The following NRG1 variants were observed in gnomAD, a reference collection of about 807,000 sequenced individuals.
NRG1 encodes the protein neuregulin 1, also known as pro-neuregulin-1, membrane-bound isoform.
In NRG1, 18 loss-of-function variants were observed where a neutral mutation model predicts 63.8. The ratio of observed to expected loss-of-function variants is 0.28; its 90% CI spans 0.19 to 0.42. The LOEUF (loss-of-function observed/expected upper bound fraction) is 0.42. NRG1 is among the 10% of genes least tolerant of loss of function. The probability of loss-of-function intolerance (pLI) is 1.00; values close to 1 mark genes in which losing one functional copy is unlikely to be tolerated. For synonymous variants in NRG1, 302 were observed against 301.3 expected, an observed-to-expected ratio of 1.00 and a Z score of -0.02; for missense variants, 762 against 814.7, an observed-to-expected ratio of 0.94 and a Z score of 0.79.
chr8:32,242,485 A>G (rs1848203389), intron 1 of NRG1, among the ~76,000 whole-genome samples: 1 of 152,234 alleles, frequency 6.6e-6, no homozygotes. Context: ...AAAAGAAAAA[A>G]GAAAAAGAAA....
chr8:31,850,013 A>G (rs966186861), intron 1 of NRG1, among the ~76,000 whole-genome samples: 1 of 152,190 alleles, frequency 6.6e-6, no homozygotes, highest in African/African-American at 2.4e-5. Flanking sequence ...TGCTTTCCCC[A>G]TATGACTTTG....
intron 1 of NRG1, among the ~76,000 whole-genome samples, chr8:32,384,158 G>A (rs911528637): frequency 6.6e-6 from 1 of 152,088 alleles, no homozygotes; most frequent in East Asian, 1.9e-4. Flanking sequence ...GATAGCTTGA[G>A]GGGAGGAGTT....
At chr8:32,722,038 T>C in intron 5 of NRG1, 4 of 1,547,580 alleles carry the variant, frequency 2.6e-6, no homozygotes, top group Non-Finnish European at 3.5e-6. Flanking sequence ...TTGAAGATAT[T>C]ACAGGTAAGG....
intron 1 of NRG1, among the ~76,000 whole-genome samples, chr8:32,108,192 T>C (rs569764667): frequency 2.2e-4 from 34 of 152,244 alleles, no homozygotes; most frequent in Non-Finnish European, 4.7e-4. Context: ...TGTAACATGA[T>C]TAAGGGCAAT....
At chr8:32,324,477 G>A (rs1021820568) in intron 1 of NRG1, among the ~76,000 whole-genome samples, 2 of 152,180 alleles carry the variant, frequency 1.3e-5, no homozygotes, top group Non-Finnish European at 2.9e-5. Flanking sequence ...TGGGATGTAG[G>A]TGTGTAGCAA....
At chr8:31,753,034 C>T (rs1020023716) in intron 1 of NRG1, among the ~76,000 whole-genome samples, 4 of 151,992 alleles carry the variant, frequency 2.6e-5, no homozygotes, top group African/African-American at 9.7e-5. Context: ...ATCTCAATCT[C>T]TTCCTCTCTG....
chr8:31,934,420 C>CTCTTTTTT (rs780496777), intron 1 of NRG1, among the ~76,000 whole-genome samples: 2 of 108,062 alleles, frequency 1.9e-5, no homozygotes, highest in Non-Finnish European at 3.6e-5. Flanking sequence ...TATTCGCTCT[C>CTCTTTTTT]TTTTTTTTTT....
chr8:32,732,799 C>CTTTTTTTTTTTT (rs1173388613), intron 6 of NRG1, among the ~76,000 whole-genome samples: 19 of 83,336 alleles, frequency 2.3e-4, no homozygotes, highest in South Asian at 5.3e-4. Context: ...TGTTTAATTT[C>CTTTTTTTTTTTT]TTTTTTTTTT....
At chr8:32,442,152 G>A (rs1191977640) in intron 1 of NRG1, among the ~76,000 whole-genome samples, 1 of 152,160 alleles carries the variant, frequency 6.6e-6, no homozygotes, top group Non-Finnish European at 1.5e-5. Context: ...ACTATCATCT[G>A]GGAGAACACA....
intron 1 of NRG1, among the ~76,000 whole-genome samples, chr8:32,390,812 G>A (rs1036241178): frequency 6.6e-6 from 1 of 151,866 alleles, no homozygotes; most frequent in South Asian, 2.1e-4. Context: ...CCCATTCGTA[G>A]TACCAGCGTT....
At chr8:32,190,303 A>G (rs1842366441) in intron 1 of NRG1, among the ~76,000 whole-genome samples, 1 of 152,060 alleles carries the variant, frequency 6.6e-6, no homozygotes, top group South Asian at 2.1e-4. Context: ...ACTGCCCAAC[A>G]GACTTCAAGA....
chr8:32,203,911 G>GA (rs892831897), intron 1 of NRG1, among the ~76,000 whole-genome samples: 6 of 152,038 alleles, frequency 3.9e-5, no homozygotes, highest in Admixed American at 2.6e-4. Flanking sequence ...GTACCACAGA[G>GA]AAAAATTCAA....
chr8:32,103,537 T>G (rs570554120), intron 1 of NRG1, among the ~76,000 whole-genome samples: 2 of 152,304 alleles, frequency 1.3e-5, no homozygotes, highest in South Asian at 2.1e-4. Context: ...TCCTTTCTTT[T>G]GGGAATATAC....
At chr8:31,863,348 A>C (rs749190120) in intron 1 of NRG1, among the ~76,000 whole-genome samples, 9 of 152,226 alleles carry the variant, frequency 5.9e-5, no homozygotes, top group Non-Finnish European at 8.8e-5. Context: ...TGAAAGTAGC[A>C]GTAAGTTTTA....
intron 1 of NRG1, among the ~76,000 whole-genome samples, chr8:31,907,186 C>A (rs953472869): frequency 6.6e-6 from 1 of 151,324 alleles, no homozygotes; most frequent in African/African-American, 2.4e-5. Flanking sequence ...CATCCTCCAA[C>A]GTAAATGACA....
intron 1 of NRG1, among the ~76,000 whole-genome samples, chr8:32,336,079 A>G (rs964031961): frequency 6.6e-6 from 1 of 152,208 alleles, no homozygotes; most frequent in African/African-American, 2.4e-5. Flanking sequence ...AGTGGCACCC[A>G]TGGCTTGTCC....
chr8:32,695,088 G>T (rs1405912876), intron 5 of NRG1, among the ~76,000 whole-genome samples: 2 of 152,152 alleles, frequency 1.3e-5, no homozygotes, highest in African/African-American at 4.8e-5. Flanking sequence ...GGGCATGGTG[G>T]CTCATGCCTG....
chr8:31,681,770 A>G (rs574830926), intron 1 of NRG1, among the ~76,000 whole-genome samples: 30 of 151,428 alleles, frequency 2.0e-4, no homozygotes, highest in African/African-American at 7.2e-4. Flanking sequence ...TAATATTCAC[A>G]GAATACTTGC....
intron 1 of NRG1, among the ~76,000 whole-genome samples, chr8:32,503,377 A>C (rs1002262803): frequency 6.6e-6 from 1 of 151,576 alleles, no homozygotes; most frequent in African/African-American, 2.4e-5. Flanking sequence ...ATTTTCTTTG[A>C]AATTATCTAC....
Sources: allele counts gnomAD v4.1 joint callset (sites outside exome capture counted in the v4.1 genomes callset), GRCh38; gene constraint gnomAD v4.1.1; transcripts MANE v1.5; gene names NCBI Gene and HGNC (gene_info 2026-07-23, HGNC 2026-07-21).